PPARGC1A: variants seen among roughly 807,000 people sequenced by gnomAD.
PPARGC1A encodes peroxisome proliferator-activated receptor gamma coactivator 1-alpha.
A neutral mutation model predicts 88.7 loss-of-function variants in PPARGC1A; 25 were observed. The observed-to-expected ratio is 0.28, with a 90% CI of 0.21 to 0.39. The LOEUF (loss-of-function observed/expected upper bound fraction) is 0.39, where lower values mean the gene tolerates loss of function less well. PPARGC1A is among the 10% of genes least tolerant of loss of function. The probability of loss-of-function intolerance (pLI) is 1.00; values close to 1 mark genes in which losing one functional copy is unlikely to be tolerated. For missense variants in PPARGC1A, 880 were observed against 968.7 expected (o/e 0.91, Z 1.22); for synonymous variants, 363 against 355.6 (o/e 1.02, Z -0.24).
rs966162811 is a variant in PPARGC1A at position 23,828,380 on chromosome 4, C to T, written c.757+20G>A. 1 of 1,601,126 alleles carries T rather than the reference C, an allele frequency of 6.2e-7. No individual in the cohort carries two copies. Among genetic ancestry groups the T allele is most frequent in the Non-Finnish European group, 8.6e-7 (1 of 1,168,332 alleles). On this transcript the variant is annotated intron_variant, in intron 5 of 12. Coordinates refer to ENST00000264867, the MANE Select transcript of PPARGC1A (RefSeq NM_013261.5). Reference sequence around the variant, plus strand: ...GCTTCCAGTGCCCTCACCAACAGCTCGTTTTGGTCCCCAGCCTACCTTGTA... The same window carrying T: ...GCTTCCAGTGCCCTCACCAACAGCTTGTTTTGGTCCCCAGCCTACCTTGTA...
At chr4:23,835,466 T>TTGTG (rs145407468) in intron 2 of PPARGC1A, among the ~76,000 whole-genome samples, 12,845 of 135,188 alleles carry the variant, frequency 0.095, 587 homozygotes, top group Non-Finnish European at 0.11. Flanking sequence ...GCATGGCGGC[T>TTGTG]TGTGTGTGTG....
chr4:24,339,233 T>TACACAC, the PPARGC1A span, among the ~76,000 whole-genome samples: 3 of 119,300 alleles, frequency 2.5e-5, no homozygotes, highest in African/African-American at 9.8e-5. Flanking sequence ...TATATATATA[T>TACACAC]ATATACACAC....
chr4:24,000,106 C>A, the PPARGC1A span, among the ~76,000 whole-genome samples: 1 of 151,852 alleles, frequency 6.6e-6, no homozygotes, highest in African/African-American at 2.4e-5. Flanking sequence ...ATTTTCCTTT[C>A]TTTTTTCTTT....
upstream of PPARGC1A, among the ~76,000 whole-genome samples, chr4:23,902,360 C>T (rs1453493502): frequency 6.6e-6 from 1 of 152,114 alleles, no homozygotes; most frequent in Non-Finnish European, 1.5e-5. Flanking sequence ...AGAGCCCCAG[C>T]AATGCACAAC....
At chr4:24,259,397 CA>C in the PPARGC1A span, among the ~76,000 whole-genome samples, 3 of 152,150 alleles carry the variant, frequency 2.0e-5, no homozygotes, top group Non-Finnish European at 4.4e-5. Flanking sequence ...TCCCTTTCAT[CA>C]GATCTCTGCT....
At chr4:24,004,768 T>C in the PPARGC1A span, among the ~76,000 whole-genome samples, 1 of 152,202 alleles carries the variant, frequency 6.6e-6, no homozygotes, top group Non-Finnish European at 1.5e-5. Context: ...GGCAAATTAC[T>C]AGAAGAATGC....
At chr4:24,006,885 T>A in the PPARGC1A span, among the ~76,000 whole-genome samples, 2 of 152,200 alleles carry the variant, frequency 1.3e-5, no homozygotes, top group African/African-American at 2.4e-5. Context: ...ACTGCATTCT[T>A]CAACCCACCC....
chr4:24,137,896 C>T, the PPARGC1A span, among the ~76,000 whole-genome samples: 3 of 152,266 alleles, frequency 2.0e-5, no homozygotes, highest in African/African-American at 4.8e-5. Flanking sequence ...ACAGGTAAAA[C>T]GACTTGATAA....
At chr4:24,276,376 C>T in the PPARGC1A span, among the ~76,000 whole-genome samples, 1 of 152,212 alleles carries the variant, frequency 6.6e-6, no homozygotes, top group Non-Finnish European at 1.5e-5. Context: ...TACCCTCACA[C>T]TGGTGACTTC....
chr4:24,073,649 C>A, the PPARGC1A span, among the ~76,000 whole-genome samples: 2 of 152,134 alleles, frequency 1.3e-5, no homozygotes, highest in African/African-American at 4.8e-5. Flanking sequence ...TTCTACTTAA[C>A]CCTGTGGTCA....
the PPARGC1A span, among the ~76,000 whole-genome samples, chr4:24,413,310 C>T: frequency 8.2e-5 from 12 of 146,072 alleles, no homozygotes; most frequent in Admixed American, 7.0e-4. Flanking sequence ...ATAAAAGCAA[C>T]GCAGAATGAA....
chr4:24,109,349 G>A, the PPARGC1A span, among the ~76,000 whole-genome samples: 110 of 146,460 alleles, frequency 7.5e-4, no homozygotes, highest in East Asian at 0.02. Context: ...ACTTTTATTC[G>A]TTTGCTTATC....
At chr4:24,269,286 A>G in the PPARGC1A span, among the ~76,000 whole-genome samples, 1 of 90,926 alleles carries the variant, frequency 1.1e-5, no homozygotes, top group African/African-American at 4.3e-5. Context: ...TTTTCAGGGA[A>G]GTGTTAAGAC....
the PPARGC1A span, among the ~76,000 whole-genome samples, chr4:24,429,244 ACT>A: frequency 5.3e-5 from 8 of 150,898 alleles, no homozygotes; most frequent in South Asian, 2.1e-4. Flanking sequence ...ACTTGCTCAC[ACT>A]CTCTCTCTCT....
At chr4:24,070,053 A>G in the PPARGC1A span, among the ~76,000 whole-genome samples, 1 of 152,152 alleles carries the variant, frequency 6.6e-6, no homozygotes, top group Non-Finnish European at 1.5e-5. Context: ...TTTATATAAC[A>G]GATACTTTCT....
At chr4:23,866,099 A>C (rs1711920867) in intron 2 of PPARGC1A, 1 of 152,234 alleles carries the variant, frequency 6.6e-6, no homozygotes, top group South Asian at 2.1e-4. Context: ...TGAATATGTA[A>C]GAAAGAAAGA....
In PPARGC1A at chr4:23,866,466, G is replaced by A. The variant is rs138640802; in HGVS notation, c.234+18286C>T. 2.3e-3 allele frequency among the ~76,000 whole-genome samples: 343 copies of A among 152,238 alleles called. 2 individuals carry two copies. The highest frequency in any genetic ancestry group is 7.8e-3 in the African/African-American group (325 of 41,534). The stretch of plus-strand genomic sequence containing the variant: ...TCTCTGACAGGCAACACTTAATATT[G>A]GGATGTTTTAAAAATCTATATGAAA... On this transcript the variant is annotated intron_variant, in intron 2 of 12. Coordinates refer to ENST00000264867, the MANE Select transcript of PPARGC1A (RefSeq NM_013261.5).
the PPARGC1A span, among the ~76,000 whole-genome samples, chr4:23,975,240 A>G: frequency 3.9e-5 from 6 of 152,104 alleles, no homozygotes; most frequent in African/African-American, 7.2e-5. Context: ...AAAACTGGTA[A>G]ATATTTTTAT....
In PPARGC1A at chr4:23,814,060, C is replaced by CA; in HGVS notation, c.1422dup (p.Asp475Ter). ...TCACCGGTCTTGTCTGCTTCGTCGTCAAAAACAGCTTGACTGGGATGACCG... is the reference window on the plus strand; with the variant it reads ...TCACCGGTCTTGTCTGCTTCGTCGTCAAAAAACAGCTTGACTGGGATGACCG... On this transcript the variant is annotated frameshift_variant, in exon 8 of 13. Transcript: ENST00000264867. LOFTEE classifies it high-confidence loss of function. 1 of 1,613,978 alleles carries CA rather than the reference C, an allele frequency of 6.2e-7. No homozygotes were observed. The highest frequency in any genetic ancestry group is 8.5e-7 in the Non-Finnish European group (1 of 1,179,942).
Sources: allele counts gnomAD v4.1 joint callset (sites outside exome capture counted in the v4.1 genomes callset), GRCh38; gene constraint gnomAD v4.1.1; transcripts MANE v1.5; gene names NCBI Gene and HGNC (gene_info 2026-07-23, HGNC 2026-07-21).